The following MYOF variants were observed in gnomAD, a reference collection of about 807,000 sequenced individuals.
MYOF encodes fer-1-like 3, myoferlin.
In MYOF, 244 loss-of-function variants were observed where a neutral mutation model predicts 284.2. The ratio of observed to expected loss-of-function variants is 0.86; its 90% confidence interval spans 0.77 to 0.95. MYOF has a LOEUF of 0.95. Ranked by LOEUF, MYOF falls within the 40% of genes least tolerant of loss-of-function variation. The pLI, the probability that MYOF is intolerant of heterozygous loss-of-function variation, is 0.00. For missense variants in MYOF, 2,496 were observed against 2,560.6 expected, an observed-to-expected ratio of 0.97 and a Z score of 0.54; for synonymous variants, 904 against 919.7, an observed-to-expected ratio of 0.98 and a Z score of 0.31.
Position 93,402,742 on chromosome 10 carries a change from A to T in MYOF, c.874+118T>A, listed in dbSNP as rs1030109353. ...CCTCATTAAGAAAATATTTTTTAAA[A>T]AATTCCTTTAACTTTAATTCTTTGA... On this transcript the variant is annotated intron_variant, in intron 10 of 53. Transcript: ENST00000359263. The T allele has an allele frequency of 1.4e-5, 13 of 901,786 alleles. No homozygotes were observed. In the East Asian group the frequency reaches 2.7e-4, roughly 19 times the overall value. The allele number at this position is 901,786 out of a possible 1,614,324, so 55.9% of individuals were successfully genotyped here.
intron 5 of MYOF, among the ~76,000 whole-genome samples, chr10:93,423,153 T>G (rs1468050070): frequency 6.6e-6 from 1 of 152,250 alleles, no homozygotes; most frequent in South Asian, 2.1e-4. Flanking sequence ...CTCACCCTAA[T>G]CCACAGTGAC....
In MYOF at chr10:93,329,758, G is replaced by A. The variant is rs375438315; in HGVS notation, c.4888C>T (p.Arg1630Trp). The change falls in exon 44 of 54, where the codon CGG becomes TGG. Residue 1630 changes from arginine to tryptophan, a missense_variant. Arg to Trp is a moderately radical substitution (Grantham distance 101, BLOSUM62 -3). Transcript: ENST00000359263. The part of the protein sequence containing the change: ...ISVYDYDTFT[R>W]DEKVGETIID... ...ATTGTTTCTCCTACTTTTTCATCCC[G>A]GGTAAAGGTGTCATAATCATAGACA... 5.4e-5 allele frequency: 87 copies of A among 1,614,182 alleles called. No individual in the cohort carries two copies. Among genetic ancestry groups the A allele is most frequent in the Admixed American group, 1.8e-4 (11 of 60,020 alleles).
At chr10:93,310,503 G>T (rs748662106) in intron 52 of MYOF, 31 bp downstream of exon 52, 2 of 1,601,146 alleles carry the variant, frequency 1.2e-6, no homozygotes, top group African/African-American at 1.3e-5. Flanking sequence ...GCAGGTGTTT[G>T]GGGAGTGGGA....
At chr10:93,436,089 G>A (rs1849106246) in intron 3 of MYOF, among the ~76,000 whole-genome samples, 1 of 151,934 alleles carries the variant, frequency 6.6e-6, no homozygotes, top group African/African-American at 2.4e-5. Context: ...ATTCACACAA[G>A]AGTGTCAGGA....
rs770223613 is a variant in MYOF, at chr10:93,381,201, T to G, written c.1876+18A>C. The G allele has an allele frequency of 1.9e-6, 3 of 1,613,724 alleles. No individual in the cohort carries two copies. On this transcript the variant is annotated intron_variant, in intron 20 of 53. Transcript: ENST00000359263. ...CCCATTGTAAACGTGTGGAGAGAAC[T>G]GTTAGTGCCAATCTTACCATCAAAT...
Position 93,429,202 on chromosome 10 carries a change from C to T in MYOF, c.345+2206G>A, listed in dbSNP as rs187795992. ...TATTAAAAAGGGTCTGGCCCCTTCCCCCTCTTCTCTCTTGCTCCCTTTCTC... is the reference window on the plus strand; with the variant it reads ...TATTAAAAAGGGTCTGGCCCCTTCCTCCTCTTCTCTCTTGCTCCCTTTCTC... On this transcript the variant is annotated intron_variant, in intron 4 of 53. Coordinates refer to ENST00000359263, the MANE Select transcript of MYOF (RefSeq NM_013451.4). Among the ~76,000 whole-genome samples the T allele has an allele frequency of 4.8e-3, 737 of 152,228 alleles. 3 individuals carry two copies. The highest frequency in any genetic ancestry group is 0.017 in the Middle Eastern group (5 of 294).
intron 7 of MYOF, among the ~76,000 whole-genome samples, chr10:93,407,677 G>C (rs1039883051): frequency 6.8e-6 from 1 of 146,552 alleles, no homozygotes; most frequent in East Asian, 2.0e-4. Context: ...GGCAGAGCTT[G>C]CAGTAAGCCA....
At chr10:93,407,118 G>A (rs1416285373) in intron 7 of MYOF, among the ~76,000 whole-genome samples, 3 of 152,150 alleles carry the variant, frequency 2.0e-5, no homozygotes, top group African/African-American at 7.2e-5. Flanking sequence ...GAGGGCAGTA[G>A]AACAGGCTAA....
At chr10:93,358,238 A>T (rs1050821221) in intron 29 of MYOF, among the ~76,000 whole-genome samples, 4 of 152,184 alleles carry the variant, frequency 2.6e-5, no homozygotes, top group African/African-American at 9.7e-5. Context: ...GCAAATCAAA[A>T]CCACAATGAG....
At chr10:93,468,575 G>C (rs1282901193) in intron 1 of MYOF, among the ~76,000 whole-genome samples, 2 of 152,210 alleles carry the variant, frequency 1.3e-5, no homozygotes, top group Non-Finnish European at 2.9e-5. Context: ...AAAGCGCGGA[G>C]TGAAAAATCT....
At position 93,482,102 on chromosome 10, in the gene MYOF, C is replaced by G; in HGVS notation, c.88+5G>C. Reference sequence around the variant, plus strand: ...CTTCAGAAAAAGAAGAAAACTTTTTCTTACCCTTAAAAATGACAGAAACAA... The same window carrying G: ...CTTCAGAAAAAGAAGAAAACTTTTTGTTACCCTTAAAAATGACAGAAACAA... On this transcript the variant is annotated splice_donor_5th_base_variant and intron_variant, in intron 1 of 53. Transcript: ENST00000359263. The G allele has an allele frequency of 6.2e-7, 1 of 1,612,374 alleles. No individual in the cohort carries two copies. The highest frequency in any genetic ancestry group is 8.5e-7 in the Non-Finnish European group (1 of 1,178,818).
chr10:93,405,444 G>A (rs1022909423), intron 7 of MYOF, among the ~76,000 whole-genome samples: 1 of 152,040 alleles, frequency 6.6e-6, no homozygotes, highest in East Asian at 1.9e-4. Context: ...TTTGTTTCTT[G>A]TGTTTTTTCT....
At chr10:93,455,504 C>CA (rs1202765005) in intron 2 of MYOF, among the ~76,000 whole-genome samples, 1 of 151,530 alleles carries the variant, frequency 6.6e-6, no homozygotes, top group African/African-American at 2.4e-5. Flanking sequence ...CCCATCTCTA[C>CA]AAAAAATAAA....
intron 3 of MYOF, among the ~76,000 whole-genome samples, chr10:93,431,877 C>T (rs1405476889): frequency 1.3e-5 from 2 of 151,622 alleles, no homozygotes; most frequent in Non-Finnish European, 2.9e-5. Context: ...TCCCAAATAG[C>T]TGGGATTATA....
chr10:93,480,829 G>A (rs1468247840), intron 1 of MYOF, among the ~76,000 whole-genome samples: 1 of 152,008 alleles, frequency 6.6e-6, no homozygotes, highest in Non-Finnish European at 1.5e-5. Context: ...CAGAGAGAGA[G>A]GTTTAAGAAG....
intron 44 of MYOF, 63 bp from the exon 45 acceptor site, chr10:93,328,974 A>G: frequency 6.5e-7 from 1 of 1,529,274 alleles, no homozygotes; most frequent in Non-Finnish European, 8.9e-7. Flanking sequence ...TCAGATTCAC[A>G]CATACATGCT....
rs117460852 is a variant in MYOF, at chr10:93,319,781, C to T, written c.5598+91G>A. Reference sequence around the variant, plus strand: ...AGAAGGAGCCGGACTCAGTGACCTCCGAGATCCTGAGCAGCTCCAGCATTC... The same window carrying T: ...AGAAGGAGCCGGACTCAGTGACCTCTGAGATCCTGAGCAGCTCCAGCATTC... On this transcript the variant is annotated intron_variant, in intron 49 of 53. Transcript: ENST00000359263. 4.0e-4 allele frequency: 626 copies of T among 1,552,606 alleles called. 3 individuals are homozygous for T. The East Asian group carries it at 4.4e-3, about 11-fold the overall frequency.
In MYOF at chr10:93,473,983, C is replaced by T. The variant is rs935658196; in HGVS notation, c.88+8124G>A. 2.0e-5 allele frequency among the ~76,000 whole-genome samples: 3 copies of T among 152,186 alleles called. 1 individual carries two copies. The highest frequency in any genetic ancestry group is 4.1e-4 in the South Asian group (2 of 4,830). On this transcript the variant is annotated intron_variant, in intron 1 of 53. Coordinates refer to ENST00000359263, the MANE Select transcript of MYOF (RefSeq NM_013451.4). ...CTGGCCTCTTGCTGAGCTACCCCAA[C>T]CAGCCCTGCACTCGCCCACAGGGTG...
At chr10:93,308,242 C>CA (rs71028900) in intron 53 of MYOF, among the ~76,000 whole-genome samples, 2 of 148,998 alleles carry the variant, frequency 1.3e-5, no homozygotes, top group African/African-American at 5.0e-5. Flanking sequence ...AACCCCATCT[C>CA]AAAAAAAATA....
Sources: allele counts gnomAD v4.1 joint callset (sites outside exome capture counted in the v4.1 genomes callset), GRCh38; gene constraint gnomAD v4.1.1; transcripts MANE v1.5; gene names NCBI Gene and HGNC (gene_info 2026-07-23, HGNC 2026-07-21).